Variants in INPP5B observed in about 807,000 individuals in gnomAD.
The protein encoded by INPP5B is inositol polyphosphate-5-phosphatase B.
A neutral mutation model predicts 118.5 loss-of-function variants in INPP5B; 90 were observed. That is an observed-to-expected ratio of 0.76 (90% confidence interval 0.64 to 0.90). The LOEUF (loss-of-function observed/expected upper bound fraction) is 0.90. Among genes scored for constraint, INPP5B ranks in the 40% least tolerant of loss-of-function variants. The pLI, the probability that INPP5B is intolerant of heterozygous loss-of-function variation, is 0.00. For missense variants in INPP5B, 984 were observed against 1,125.6 expected (o/e 0.87, Z 1.80); for synonymous variants, 385 against 418.9 (o/e 0.92, Z 0.99).
intron 6 of INPP5B, among the ~76,000 whole-genome samples, chr1:37,936,216 C>T (rs1402169687): frequency 1.3e-5 from 2 of 152,174 alleles, no homozygotes; most frequent in Non-Finnish European, 2.9e-5. Context: ...CCTCTTCCCC[C>T]AAGTTCAGTC....
intron 7 of INPP5B, among the ~76,000 whole-genome samples, chr1:37,910,656 G>A (rs1159987825): frequency 1.3e-5 from 2 of 150,508 alleles, no homozygotes; most frequent in Non-Finnish European, 3.0e-5. Flanking sequence ...CCCACAGCAC[G>A]CTTTAAAAGG....
chr1:37,865,077 C>T (rs889577880), intron 22 of INPP5B, among the ~76,000 whole-genome samples: 1 of 151,984 alleles, frequency 6.6e-6, no homozygotes, highest in African/African-American at 2.4e-5. Flanking sequence ...ATCCCAGCTA[C>T]TCAGGAGGCT....
intron 7 of INPP5B, chr1:37,931,528 G>A (rs1362824743): frequency 1.3e-6 from 2 of 1,535,894 alleles, no homozygotes; most frequent in South Asian, 2.4e-5. Context: ...CTGCCCCAGT[G>A]TCCCAGCCTC....
chr1:37,878,389 C>A (rs893303078), intron 15 of INPP5B, 66 bp from the exon 16 acceptor site: 17 of 1,592,514 alleles, frequency 1.1e-5, no homozygotes, highest in Non-Finnish European at 1.5e-5. Flanking sequence ...TGGCGAGTGC[C>A]CTGGCTCAGG....
intron 7 of INPP5B, among the ~76,000 whole-genome samples, chr1:37,925,247 T>C (rs1012901811): frequency 6.6e-6 from 1 of 151,818 alleles, no homozygotes; most frequent in South Asian, 2.1e-4. Flanking sequence ...CAAGGAACCA[T>C]GAAGAAAAGA....
chr1:37,875,714 C>T lies in INPP5B; in HGVS notation c.1680G>A (p.Val560=), dbSNP rs766573465. 3.7e-6 allele frequency: 6 copies of T among 1,611,940 alleles called. No individual in the cohort carries two copies. Among genetic ancestry groups the T allele is most frequent in the Non-Finnish European group, 5.1e-6 (6 of 1,177,988 alleles). Reference sequence around the variant, plus strand: ...GGTAAAGCTCGTCATTTACGACCCTCACCTGAAAGGGAAACATCAGAGACT... The same window carrying T: ...GGTAAAGCTCGTCATTTACGACCCTTACCTGAAAGGGAAACATCAGAGACT... The part of the protein sequence containing the change: ...KPVSSVFDIG[V]RVVNDELYRK... Residue 560 remains valine (V), a splice_region_variant and synonymous_variant, in exon 17 of 24, where the codon GTG becomes GTA. Coordinates refer to ENST00000373024, the MANE Select transcript of INPP5B (RefSeq NM_005540.3).
At chr1:37,880,515 G>A (rs1262458868) in intron 14 of INPP5B, among the ~76,000 whole-genome samples, 2 of 150,864 alleles carry the variant, frequency 1.3e-5, no homozygotes, top group Admixed American at 1.3e-4. Flanking sequence ...TCGGCTCACC[G>A]CAACCTCCAC....
intron 16 of INPP5B, among the ~76,000 whole-genome samples, chr1:37,877,385 T>G (rs754800334): frequency 1.3e-5 from 2 of 151,784 alleles, no homozygotes; most frequent in Non-Finnish European, 2.9e-5. Context: ...GATGCTGATC[T>G]CATAGGTAAT....
chr1:37,877,104 T>C (rs1642883334), intron 16 of INPP5B, among the ~76,000 whole-genome samples: 1 of 151,186 alleles, frequency 6.6e-6, no homozygotes, highest in Non-Finnish European at 1.5e-5. Flanking sequence ...CGGTGGCTCA[T>C]GCCTGTAATC....
intron 6 of INPP5B, among the ~76,000 whole-genome samples, chr1:37,936,832 G>C (rs997244553): frequency 1.3e-5 from 2 of 150,338 alleles, no homozygotes; most frequent in Non-Finnish European, 2.9e-5. Flanking sequence ...CTTCCAAACT[G>C]CTGGGATTAC....
rs1569916940 is a variant in INPP5B at position 37,862,330 on chromosome 1, G to A, written c.2727C>T (p.Leu909=). 1.2e-6 allele frequency: 2 copies of A among 1,612,336 alleles called. No individual in the cohort carries two copies. Among genetic ancestry groups the A allele is most frequent in the Non-Finnish European group, 1.7e-6 (2 of 1,178,330 alleles). The change falls in exon 24 of 24, where the codon CTC becomes CTT. Residue 909 remains leucine (L), a synonymous_variant. Transcript: ENST00000373024. ...AGAGAGAGGCTCAGAGTGGGTTGCA[G>A]AGGAACTGGTGAATAAATTCTTGAG... ...KKAQEFIHQF[L]CNPL is the part of the protein sequence containing the mutation.
chr1:37,864,020 G>A (rs1641875403), intron 23 of INPP5B, among the ~76,000 whole-genome samples: 1 of 151,668 alleles, frequency 6.6e-6, no homozygotes, highest in Non-Finnish European at 1.5e-5. Context: ...TCACCATGTT[G>A]GCCAGGCTGG....
intron 7 of INPP5B, among the ~76,000 whole-genome samples, chr1:37,892,640 A>G (rs1643880776): frequency 6.6e-6 from 1 of 152,238 alleles, no homozygotes; most frequent in Non-Finnish European, 1.5e-5. Flanking sequence ...TGAACCAGAA[A>G]AAAACTTTTG....
rs1642189796 is a variant in INPP5B at position 37,868,486 on chromosome 1, T to C, written c.2301+15A>G. The C allele has an allele frequency of 1.3e-6, 2 of 1,591,202 alleles. No homozygotes were observed. The highest frequency in any genetic ancestry group is 4.5e-5 in the East Asian group (2 of 44,780). On this transcript the variant is annotated intron_variant, in intron 20 of 23. Coordinates refer to ENST00000373024, the MANE Select transcript of INPP5B (RefSeq NM_005540.3). ...CCTGGCCTCAATCAGGTCTGAATGC[T>C]TAAACACAACCTACCTGCTGGACAG...
intron 7 of INPP5B, among the ~76,000 whole-genome samples, chr1:37,921,367 G>C (rs1198845819): frequency 2.0e-5 from 3 of 152,154 alleles, no homozygotes; most frequent in Non-Finnish European, 2.9e-5. Context: ...TCATAACACA[G>C]GGCACCTGGC....
In INPP5B at chr1:37,940,690, G is replaced by T; in HGVS notation, c.389C>A (p.Pro130Gln). The change falls in exon 6 of 24, where the codon CCA (proline) becomes CAA (glutamine). Residue 130 changes from proline (P) to glutamine (Q), a missense_variant and splice_region_variant. By Grantham distance (76) the Pro-to-Gln change is moderately conservative (BLOSUM62 -1). Coordinates refer to ENST00000373024, the MANE Select transcript of INPP5B (RefSeq NM_005540.3). ...MFLHEVARAC[P>Q]GFDSATRDPE... Reference sequence around the variant, plus strand: ...AGGGAGCCTGGGGTCTTACCTACCTGGACAGGCCCTGGCAACTTCGTGGAG... The same window carrying T: ...AGGGAGCCTGGGGTCTTACCTACCTTGACAGGCCCTGGCAACTTCGTGGAG... The T allele has an allele frequency of 6.2e-7, 1 of 1,608,300 alleles. No homozygotes were observed.
intron 15 of INPP5B, 37 bp from the exon 16 acceptor site, chr1:37,878,360 A>T (rs746628200): frequency 1.1e-5 from 18 of 1,611,136 alleles, no homozygotes; most frequent in Middle Eastern, 3.4e-4. Context: ...TACTCACAGA[A>T]ACAGCAGTGC....
rs189181042 is a variant in INPP5B, at chr1:37,908,917, C to T, written c.533-17463G>A. On this transcript the variant is annotated intron_variant, in intron 7 of 23. Coordinates refer to ENST00000373024, the MANE Select transcript of INPP5B (RefSeq NM_005540.3). ...CCTTCACTATGGGCAACCTTCCACT[C>T]GCCATTCTCCCTTCTTCTCCTTTAG... Among the ~76,000 whole-genome samples, 6 of 152,270 alleles carry T rather than the reference C, an allele frequency of 3.9e-5. No individual in the cohort carries two copies. In the South Asian group the frequency reaches 6.2e-4, roughly 16 times the overall value.
intron 7 of INPP5B, among the ~76,000 whole-genome samples, chr1:37,920,597 G>A (rs776428778): frequency 1.3e-5 from 2 of 151,728 alleles, no homozygotes; most frequent in Non-Finnish European, 1.5e-5. Context: ...CCCAGGAGGC[G>A]GAGGTTGCAG....
Sources: gnomAD v4.1 joint callset for allele counts (sites outside exome capture counted in the v4.1 genomes callset) on GRCh38, gnomAD v4.1.1 for gene constraint, MANE v1.5 for transcripts, NCBI Gene and HGNC (gene_info 2026-07-23, HGNC 2026-07-21) for gene names.